Variants in ARID2 observed in about 807,000 individuals in gnomAD.
The protein encoded by ARID2 is AT-rich interaction domain 2.
A neutral mutation model predicts 184.6 loss-of-function variants in ARID2; 32 were observed. The observed-to-expected ratio is 0.17, with a 90% CI of 0.13 to 0.23. ARID2 has a LOEUF of 0.23. ARID2 is among the 10% of genes least tolerant of loss of function. The pLI, the probability that ARID2 is intolerant of heterozygous loss-of-function variation, is 1.00. For missense variants in ARID2, 1,696 were observed against 2,197.6 expected, an observed-to-expected ratio of 0.77 and a Z score of 4.56; for synonymous variants, 836 against 772.6, an observed-to-expected ratio of 1.08 and a Z score of -1.36.
intron 16 of ARID2, among the ~76,000 whole-genome samples, chr12:45,875,115 C>G (rs999027538): frequency 1.3e-5 from 2 of 152,110 alleles, no homozygotes; most frequent in African/African-American, 4.8e-5. Context: ...GAGTGAGACC[C>G]TGTCTCAAAA....
chr12:45,790,049 TC>T (rs1942266818), intron 3 of ARID2, among the ~76,000 whole-genome samples: 2 of 152,220 alleles, frequency 1.3e-5, no homozygotes, highest in South Asian at 4.1e-4. Context: ...ACTTTTCCAT[TC>T]CTTTAATTGG....
In ARID2 at chr12:45,846,679, A is replaced by G. The variant is rs191233840; in HGVS notation, c.1499-177A>G. Among the ~76,000 whole-genome samples, 8 of 152,264 alleles carry G rather than the reference A, an allele frequency of 5.3e-5. No homozygotes were observed. In the East Asian group the frequency reaches 1.5e-3, roughly 29 times the overall value. ...TGAATCCTCTAAGACAGTGCCTGGT[A>G]TGATATGTGCTCCATTATATATTAG... On this transcript the variant is annotated intron_variant, in intron 11 of 20. Coordinates refer to ENST00000334344, the MANE Select transcript of ARID2 (RefSeq NM_152641.4).
At chr12:45,847,593 A>G (rs1433687609) in intron 12 of ARID2, among the ~76,000 whole-genome samples, 1 of 152,114 alleles carries the variant, frequency 6.6e-6, no homozygotes, top group Non-Finnish European at 1.5e-5. Context: ...TCTTTAGAAG[A>G]TTAACAGATT....
At chr12:45,797,852 T>C (rs1433531342) in intron 3 of ARID2, among the ~76,000 whole-genome samples, 1 of 152,014 alleles carries the variant, frequency 6.6e-6, no homozygotes, top group Non-Finnish European at 1.5e-5. Context: ...TTCATTTTGT[T>C]TTAAATATTG....
chr12:45,768,996 A>C (rs1346252318), intron 3 of ARID2, among the ~76,000 whole-genome samples: 1 of 152,186 alleles, frequency 6.6e-6, no homozygotes, highest in Non-Finnish European at 1.5e-5. Context: ...GGGGCTTCAC[A>C]CAGAGGGGAG....
At chr12:45,801,103 G>T (rs1294159571) in intron 3 of ARID2, among the ~76,000 whole-genome samples, 6 of 152,130 alleles carry the variant, frequency 3.9e-5, no homozygotes, top group Non-Finnish European at 5.9e-5. Context: ...ACGAGGTCAG[G>T]AGATCGAGAC....
chr12:45,806,226 A>G (rs12316361), intron 3 of ARID2, among the ~76,000 whole-genome samples: 15,402 of 151,204 alleles, frequency 0.1, 2,535 homozygotes, highest in African/African-American at 0.34. Flanking sequence ...GGTGGGGGCG[A>G]GATGGTGGTT....
intron 3 of ARID2, among the ~76,000 whole-genome samples, chr12:45,761,868 C>T (rs957060124): frequency 6.6e-6 from 1 of 152,006 alleles, no homozygotes; most frequent in African/African-American, 2.4e-5. Flanking sequence ...ACTACTTTCC[C>T]CACCATATTT....
intron 15 of ARID2, among the ~76,000 whole-genome samples, chr12:45,856,553 C>G (rs1393200654): frequency 1.7e-4 from 26 of 152,036 alleles, no homozygotes. Flanking sequence ...TACTTGCACC[C>G]TGATAAGGGA....
rs868520487 is a variant in ARID2, at chr12:45,835,347, T to C, written c.706-1242T>C. On this transcript the variant is annotated intron_variant, in intron 6 of 20. Transcript: ENST00000334344. ...GCCCTTCTTTCTTGGTTATTGAACA[T>C]TGTCTTTTAAAAAAATGTGCCTACT... Among the ~76,000 whole-genome samples, 7 of 152,284 alleles carry C rather than the reference T, an allele frequency of 4.6e-5. No homozygotes were observed. In the South Asian group the frequency reaches 8.3e-4, roughly 18 times the overall value.
At chr12:45,893,093 A>G (rs1944322986) in intron 18 of ARID2, among the ~76,000 whole-genome samples, 1 of 152,220 alleles carries the variant, frequency 6.6e-6, no homozygotes, top group Non-Finnish European at 1.5e-5. Context: ...TTCAAAGATG[A>G]GAAGGCTATA....
intron 3 of ARID2, among the ~76,000 whole-genome samples, chr12:45,765,846 T>C (rs954960071): frequency 1.4e-4 from 22 of 152,188 alleles, no homozygotes; most frequent in Admixed American, 3.9e-4. Context: ...CCTCTGGCTA[T>C]CCCCAGGCAA....
In ARID2 at chr12:45,730,037, C is replaced by A. The variant is rs561834872; in HGVS notation, c.93-7C>A. The stretch of plus-strand genomic sequence containing the variant: ...CTGACAAGTGCGGGGCTTTTTCTCT[C>A]CCGCAGGTCGCCTTTTAAAAAAATC... On this transcript the variant is annotated splice_polypyrimidine_tract_variant and splice_region_variant and intron_variant, in intron 1 of 20. Transcript: ENST00000334344. The A allele has an allele frequency of 6.2e-7, 1 of 1,612,986 alleles. No homozygotes were observed. Among genetic ancestry groups the A allele is most frequent in the Non-Finnish European group, 8.5e-7 (1 of 1,179,586 alleles).
At chr12:45,855,532 G>T (rs1319211837) in intron 15 of ARID2, among the ~76,000 whole-genome samples, 1 of 152,126 alleles carries the variant, frequency 6.6e-6, no homozygotes, top group Non-Finnish European at 1.5e-5. Flanking sequence ...AATGGGGAAG[G>T]TATGCTTTAT....
chr12:45,850,898 C>T lies in ARID2; in HGVS notation c.2775C>T (p.Ser925=), dbSNP rs756256002. 7.4e-6 allele frequency: 12 copies of T among 1,613,998 alleles called. No homozygotes were observed. The Admixed American group carries it at 8.3e-5, about 11-fold the overall frequency. ...IQQPQQPTQQ[S]VVIVSQPAQQ... is the part of the protein sequence containing the mutation. ...AACCACAGCAGCCAACCCAACAAAG[C>T]GTAGTGATTGTAAGCCAGCCAGCTC... The change falls in exon 15 of 21, where the codon AGC becomes AGT. Residue 925 remains serine, a synonymous_variant. Coordinates refer to ENST00000334344, the MANE Select transcript of ARID2 (RefSeq NM_152641.4).
At position 45,906,590 on chromosome 12, in the gene ARID2, A is replaced by G. The variant is rs941195917; in HGVS notation, c.*1512A>G. The G allele has an allele frequency of 1.3e-5, 3 of 232,668 alleles. No individual in the cohort carries two copies. Among genetic ancestry groups the G allele is most frequent in the Admixed American group, 5.6e-5 (1 of 17,762 alleles). 14.4% of individuals were successfully genotyped at this position (232,668 alleles called of 1,614,324 possible). ...TGCTTAAGACATCTTAAAAATATAG[A>G]GAGAATTCTAAATTCAGCTGAAGGC... On this transcript the variant is annotated 3_prime_UTR_variant, in exon 21 of 21. Coordinates refer to ENST00000334344, the MANE Select transcript of ARID2 (RefSeq NM_152641.4).
At chr12:45,787,513 G>T (rs1359535899) in intron 3 of ARID2, among the ~76,000 whole-genome samples, 1 of 151,896 alleles carries the variant, frequency 6.6e-6, no homozygotes, top group Non-Finnish European at 1.5e-5. Context: ...GGGATTATAG[G>T]CTGAGCCCCT....
chr12:45,738,999 G>A (rs1314506640), intron 3 of ARID2, among the ~76,000 whole-genome samples: 2 of 150,596 alleles, frequency 1.3e-5, no homozygotes, highest in South Asian at 2.1e-4. Flanking sequence ...AGACAGTTTC[G>A]CTCTTGTTAC....
At chr12:45,751,415 A>G (rs1395965903) in intron 3 of ARID2, among the ~76,000 whole-genome samples, 4 of 152,190 alleles carry the variant, frequency 2.6e-5, no homozygotes, top group Admixed American at 1.3e-4. Context: ...CAGATCTTGT[A>G]GGGCCTCTGG....
Sources: allele counts gnomAD v4.1 joint callset (sites outside exome capture counted in the v4.1 genomes callset), GRCh38; gene constraint gnomAD v4.1.1; transcripts MANE v1.5; gene names NCBI Gene and HGNC (gene_info 2026-07-23, HGNC 2026-07-21).